The following SCUBE2 variants were observed in gnomAD, a reference collection of about 807,000 sequenced individuals.
SCUBE2 encodes the protein signal peptide, CUB and EGF-like domain-containing protein 2.
A neutral mutation model predicts 125.9 loss-of-function variants in SCUBE2; 114 were observed. The observed-to-expected ratio is 0.91, with a 90% confidence interval of 0.78 to 1.06. The LOEUF (loss-of-function observed/expected upper bound fraction) is 1.06. Ranked by LOEUF, SCUBE2 falls within the 50% of genes least tolerant of loss-of-function variation. The probability of loss-of-function intolerance (pLI) is 0.00; values close to 1 mark genes in which losing one functional copy is unlikely to be tolerated. For missense variants in SCUBE2, 1,255 were observed against 1,301.8 expected, an observed-to-expected ratio of 0.96 and a Z score of 0.55; for synonymous variants, 459 against 492.9, an observed-to-expected ratio of 0.93 and a Z score of 0.91.
intron 9 of SCUBE2, 90 bp from the exon 10 acceptor site, chr11:9,055,999 C>T (rs1859045437): frequency 1.1e-6 from 1 of 926,912 alleles, no homozygotes; most frequent in East Asian, 2.4e-5. Flanking sequence ...TGCTGACCAA[C>T]ACCAAAAACA....
intron 2 of SCUBE2, among the ~76,000 whole-genome samples, chr11:9,087,408 C>T (rs1267769954): frequency 6.6e-6 from 1 of 152,044 alleles, no homozygotes. Flanking sequence ...GTGTGAATTC[C>T]AGTACAGCAA....
intron 2 of SCUBE2, among the ~76,000 whole-genome samples, chr11:9,087,446 G>A (rs181471941): frequency 2.0e-5 from 3 of 152,292 alleles, no homozygotes; most frequent in Non-Finnish European, 4.4e-5. Flanking sequence ...GAAAGTGTGT[G>A]GTATGGAGGA....
At chr11:9,047,268 G>C in intron 16 of SCUBE2, 88 bp downstream of exon 16, 3 of 1,333,990 alleles carry the variant, frequency 2.2e-6, no homozygotes, top group Non-Finnish European at 3.2e-6. Context: ...CCTGAGAAGG[G>C]AGGATGGGCC....
At chr11:9,061,317 G>T (rs2135600431) in intron 7 of SCUBE2, among the ~76,000 whole-genome samples, 1 of 152,230 alleles carries the variant, frequency 6.6e-6, no homozygotes, top group Non-Finnish European at 1.5e-5. Flanking sequence ...AACACTTTGG[G>T]AGGCTGAGGC....
chr11:9,068,799 G>A (rs1860503449), intron 5 of SCUBE2, among the ~76,000 whole-genome samples: 1 of 152,200 alleles, frequency 6.6e-6, no homozygotes, highest in African/African-American at 2.4e-5. Context: ...AATTAAATGG[G>A]ATATGGCACA....
At chr11:9,031,014 T>A in intron 17 of SCUBE2, 89 bp from the exon 18 acceptor site, 1 of 1,261,970 alleles carries the variant, frequency 7.9e-7, no homozygotes, top group Non-Finnish European at 1.1e-6. Context: ...CAGTCCAACC[T>A]GTTACCCAGT....
chr11:9,089,973 A>C, intron 1 of SCUBE2, 144 bp from the exon 2 acceptor site: 1 of 1,102,420 alleles, frequency 9.1e-7, no homozygotes, highest in South Asian at 1.9e-5. Flanking sequence ...GGGATAAACC[A>C]AACTGTTTCT....
At chr11:9,025,654 C>T (rs755715440) in intron 21 of SCUBE2, 48 bp downstream of exon 21, 1 of 1,589,708 alleles carries the variant, frequency 6.3e-7, no homozygotes, top group Non-Finnish European at 8.6e-7. Flanking sequence ...GAAGTTGGCT[C>T]TGTTCAAAGC....
At chr11:9,029,213 C>T (rs1856056073) in intron 19 of SCUBE2, among the ~76,000 whole-genome samples, 1 of 152,232 alleles carries the variant, frequency 6.6e-6, no homozygotes, top group Admixed American at 6.5e-5. Flanking sequence ...TTTGCTTCCC[C>T]CTTCCTATAA....
At chr11:9,054,725 A>ATATATATATATATT (rs1368153935) in intron 10 of SCUBE2, among the ~76,000 whole-genome samples, 1 of 22,342 alleles carries the variant, frequency 4.5e-5, no homozygotes, top group Non-Finnish European at 7.1e-5. Flanking sequence ...ATATATATAT[A>ATATATATATATATT]TTTTTTTTTT....
At chr11:9,074,350 C>A in intron 4 of SCUBE2, 131 bp downstream of exon 4, 1 of 1,149,718 alleles carries the variant, frequency 8.7e-7, no homozygotes, top group South Asian at 1.6e-5. Flanking sequence ...GCAGTGGAGT[C>A]TGGACTCGTC....
intron 16 of SCUBE2, among the ~76,000 whole-genome samples, chr11:9,040,049 C>T (rs547853402): frequency 1.8e-4 from 27 of 152,312 alleles, no homozygotes; most frequent in African/African-American, 5.3e-4. Flanking sequence ...ACAGCAGCCA[C>T]GCGCGTCCGC....
At chr11:9,089,914 C>T in intron 1 of SCUBE2, 85 bp from the exon 2 acceptor site, 1 of 1,509,042 alleles carries the variant, frequency 6.6e-7, no homozygotes, top group Admixed American at 1.9e-5. Context: ...TCATCCTCAC[C>T]AGCCCACCCC....
intron 16 of SCUBE2, among the ~76,000 whole-genome samples, chr11:9,036,695 C>T (rs890005193): frequency 6.6e-6 from 1 of 152,194 alleles, no homozygotes; most frequent in Non-Finnish European, 1.5e-5. Context: ...CAGATGTCCT[C>T]AGCAGGTGGA....
chr11:9,047,643 A>C, intron 15 of SCUBE2, 81 bp from the exon 16 acceptor site: 1 of 1,380,330 alleles, frequency 7.2e-7, no homozygotes, highest in Non-Finnish European at 1.0e-6. Flanking sequence ...TGCAGGCCCT[A>C]CCAACACCCC....
At chr11:9,084,097 C>A (rs1223447053) in intron 2 of SCUBE2, among the ~76,000 whole-genome samples, 1 of 152,058 alleles carries the variant, frequency 6.6e-6, no homozygotes, top group East Asian at 1.9e-4. Flanking sequence ...GCAGTTCATT[C>A]CAGGCCTAGG....
At chr11:9,041,343 T>C (rs1298922456) in intron 16 of SCUBE2, among the ~76,000 whole-genome samples, 1 of 152,076 alleles carries the variant, frequency 6.6e-6, no homozygotes, top group Non-Finnish European at 1.5e-5. Context: ...CGCCAGCATG[T>C]GGTGGTATTT....
At chr11:9,071,141 G>A (rs1406907124) in intron 4 of SCUBE2, among the ~76,000 whole-genome samples, 1 of 152,188 alleles carries the variant, frequency 6.6e-6, no homozygotes, top group African/African-American at 2.4e-5. Context: ...AGCCGAGCAT[G>A]GGAAGTAACT....
At chr11:9,090,491 T>TA in intron 1 of SCUBE2, 1 of 105,444 alleles carries the variant, frequency 9.5e-6, no homozygotes, top group East Asian at 3.3e-4. Flanking sequence ...ATTTATTTAT[T>TA]TTTTTTTTTT....
Sources: allele counts gnomAD v4.1 joint callset (sites outside exome capture counted in the v4.1 genomes callset), GRCh38; gene constraint gnomAD v4.1.1; transcripts MANE v1.5; gene names NCBI Gene and HGNC (gene_info 2026-07-23, HGNC 2026-07-21).